Variants in DZIP3 observed in about 807,000 individuals in gnomAD.
The protein encoded by DZIP3 is E3 ubiquitin-protein ligase DZIP3.
In DZIP3, 118 loss-of-function variants were observed where a neutral mutation model predicts 162.0. That is an observed-to-expected ratio of 0.73 (90% CI 0.63 to 0.85). The LOEUF (loss-of-function observed/expected upper bound fraction) is 0.85, where lower values mean the gene tolerates loss of function less well. Among genes scored for constraint, DZIP3 ranks in the 40% least tolerant of loss-of-function variants. DZIP3 has a pLI of 0.00. For synonymous variants in DZIP3, 438 were observed against 458.6 expected (o/e 0.96, Z 0.57); for missense variants, 1,331 against 1,407.0 (o/e 0.95, Z 0.86).
At chr3:108,590,106 G>T (rs1302600888) in intron 1 of DZIP3, 1 of 152,156 alleles carries the variant, frequency 6.6e-6, no homozygotes, top group Non-Finnish European at 1.5e-5. Flanking sequence ...TGTAAGTGAA[G>T]GTGTCTGTTT....
chr3:108,639,438 T>C (rs1942292725), intron 12 of DZIP3, among the ~76,000 whole-genome samples: 1 of 152,246 alleles, frequency 6.6e-6, no homozygotes. Flanking sequence ...TCAGTCCAGA[T>C]CTTTTGGCCT....
chr3:108,648,716 A>C (rs2107657920), intron 16 of DZIP3: 2 of 262,032 alleles, frequency 7.6e-6, no homozygotes, highest in East Asian at 1.5e-4. Flanking sequence ...TCCTTTATTC[A>C]TCAGTGATTA....
intron 1 of DZIP3, among the ~76,000 whole-genome samples, chr3:108,599,443 T>A (rs962572743): frequency 6.6e-6 from 1 of 152,202 alleles, no homozygotes; most frequent in African/African-American, 2.4e-5. Context: ...AACCAAGTAA[T>A]CAGTATATTT....
chr3:108,671,490 T>A (rs932940915), intron 22 of DZIP3, among the ~76,000 whole-genome samples: 1 of 151,916 alleles, frequency 6.6e-6, no homozygotes, highest in Non-Finnish European at 1.5e-5. Flanking sequence ...AGGAACCTCA[T>A]AGGTAACCAT....
intron 26 of DZIP3, among the ~76,000 whole-genome samples, chr3:108,679,567 C>T (rs1944229965): frequency 6.6e-6 from 1 of 152,078 alleles, no homozygotes; most frequent in South Asian, 2.1e-4. Context: ...GACCACTGAG[C>T]ATCAGAGGAG....
intron 19 of DZIP3, among the ~76,000 whole-genome samples, chr3:108,655,877 G>T (rs141723463): frequency 6.6e-6 from 1 of 152,152 alleles, no homozygotes; most frequent in East Asian, 1.9e-4. Flanking sequence ...AGGGTCCCAC[G>T]CCCATGGAGC....
At chr3:108,622,880 C>CTCTCTCTCTCTCTCTCTCTCTCTGTG (rs796232998) in intron 5 of DZIP3, among the ~76,000 whole-genome samples, 7 of 53,094 alleles carry the variant, frequency 1.3e-4, no homozygotes, top group African/African-American at 5.5e-4. Flanking sequence ...CTCTCTCTCT[C>CTCTCTCTCTCTCTCTCTCTCTCTGTG]TGTGTGTGTG....
In DZIP3 at chr3:108,684,287, G is replaced by A. The variant is rs1284665328; in HGVS notation, c.2955G>A (p.Met985Ile). 1 of 1,613,058 alleles carries A rather than the reference G, an allele frequency of 6.2e-7. No homozygotes were observed. The highest frequency in any genetic ancestry group is 1.3e-5 in the African/African-American group (1 of 74,752). ...FFRPILTVPQ[M>I]PAVCPGVVSA... ...GACCCATACTTACTGTTCCTCAAAT[G>A]CCTGCAGTTTGCCCGGGAGTCGTCT... The change falls in exon 27 of 33, where the codon ATG becomes ATA. Residue 985 changes from methionine (M) to isoleucine (I), a missense_variant. Around this residue, in one of 2 missense-constraint regions of DZIP3, gnomAD observed 1,278 missense variants for 1,317.1 expected, o/e 0.97. Transcript: ENST00000361582.
chr3:108,676,303 AC>A (rs1284261280), intron 25 of DZIP3, among the ~76,000 whole-genome samples: 1 of 151,920 alleles, frequency 6.6e-6, no homozygotes, highest in Non-Finnish European at 1.5e-5. Context: ...ATAGAGTGAG[AC>A]TCTCTCTAAA....
In DZIP3 at chr3:108,688,068, C is replaced by A. The variant is rs765397098; in HGVS notation, c.3242C>A (p.Ser1081Tyr). ...TTTGATGAAATTGTTTGCAAGATTT[C>A]CCAGTTTATTGACCCCAAAAAGTCT... ...LTFDEIVCKISQFIDPKKSQS... is the reference protein window; with the variant it reads ...LTFDEIVCKIYQFIDPKKSQS... The change falls in exon 29 of 33, where the codon TCC becomes TAC. Residue 1081 changes from serine to tyrosine, a missense_variant. Coordinates refer to ENST00000361582, the MANE Select transcript of DZIP3 (RefSeq NM_014648.4). The A allele has an allele frequency of 1.9e-6, 3 of 1,613,596 alleles. No individual in the cohort carries two copies. The Admixed American group carries it at 5.0e-5, about 27-fold the overall frequency.
intron 14 of DZIP3, 98 bp downstream of exon 14, chr3:108,644,879 C>T (rs1942557146): frequency 2.5e-6 from 3 of 1,203,590 alleles, no homozygotes; most frequent in East Asian, 4.9e-5. Flanking sequence ...TCAGTGAGCT[C>T]ATGGTTTTGG....
Position 108,625,911 on chromosome 3 carries a change from GA to G in DZIP3, c.527del (p.Asn176ThrfsTer5). ...KMMIQENEIC[E>X]NFMSLVYFGR... ...GATGATCCAAGAAAATGAAATTTGT[GA>G]AAACTTTATGTCTTTAGTTTATTTT... is the stretch of plus-strand genomic sequence containing the variant. On this transcript the variant is annotated frameshift_variant, in exon 7 of 33. Transcript: ENST00000361582. LOFTEE classifies it high-confidence loss of function. 1 of 1,613,576 alleles carries G rather than the reference GA, an allele frequency of 6.2e-7. No homozygotes were observed. The highest frequency in any genetic ancestry group is 8.5e-7 in the Non-Finnish European group (1 of 1,179,792).
chr3:108,649,031 A>G, intron 17 of DZIP3, 69 bp downstream of exon 17: 1 of 940,622 alleles, frequency 1.1e-6, no homozygotes, highest in South Asian at 1.8e-5. Context: ...ATTCATTGTT[A>G]GAACTTAAAT....
In DZIP3 at chr3:108,677,559, A is replaced by G. The variant is rs761936358; in HGVS notation, c.2844A>G (p.Pro948=). The G allele has an allele frequency of 1.7e-5, 27 of 1,612,662 alleles. No individual in the cohort carries two copies. Among genetic ancestry groups the G allele is most frequent in the Admixed American group, 3.3e-5 (2 of 59,910 alleles). ...GATTTGCCTTGAGTACCTTGCCTCC[A>G]GTCCAGCTTCCTCCTCCACCACCCA... ...KQGFALSTLP[P]VQLPPPPPSP... Residue 948 remains proline, a synonymous_variant, in exon 26 of 33, where the codon CCA becomes CCG. Transcript: ENST00000361582.
intron 5 of DZIP3, among the ~76,000 whole-genome samples, chr3:108,619,060 CAAAAAAAAAA>C (rs57700432): frequency 1.1e-4 from 8 of 70,110 alleles, no homozygotes; most frequent in Admixed American, 7.1e-4. Flanking sequence ...GACTCCATCT[CAAAAAAAAAA>C]AAAAAAAAAA....
chr3:108,677,956 G>T (rs564064440), intron 26 of DZIP3, among the ~76,000 whole-genome samples: 1 of 152,058 alleles, frequency 6.6e-6, no homozygotes, highest in South Asian at 2.1e-4. Flanking sequence ...CTGGGCCACG[G>T]ACCAGTGCAC....
At chr3:108,624,189 C>T (rs1034448473) in intron 5 of DZIP3, among the ~76,000 whole-genome samples, 1 of 152,166 alleles carries the variant, frequency 6.6e-6, no homozygotes, top group African/African-American at 2.4e-5. Flanking sequence ...ATTTGGCCAT[C>T]TTTCTTCCAT....
chr3:108,677,079 A>G (rs908582419), intron 25 of DZIP3, among the ~76,000 whole-genome samples: 39 of 152,254 alleles, frequency 2.6e-4, no homozygotes, highest in African/African-American at 9.1e-4. Flanking sequence ...CGTTTTTAAA[A>G]TGAACATTTG....
intron 6 of DZIP3, among the ~76,000 whole-genome samples, chr3:108,625,549 C>T (rs1224578941): frequency 6.6e-6 from 1 of 152,166 alleles, no homozygotes; most frequent in Non-Finnish European, 1.5e-5. Flanking sequence ...TGTGCACCAC[C>T]ATGCCTAATT....
Sources: allele counts gnomAD v4.1 joint callset (sites outside exome capture counted in the v4.1 genomes callset), GRCh38; gene constraint gnomAD v4.1.1; regional missense constraint gnomAD v4.1.1; transcripts MANE v1.5; gene names NCBI Gene and HGNC (gene_info 2026-07-23, HGNC 2026-07-21).